ZNF469: variants seen among roughly 807,000 people sequenced by gnomAD.
ZNF469 encodes zinc finger protein 469.
Under a neutral mutation model 1.0 loss-of-function variants are expected in ZNF469, and 1 was observed. The observed-to-expected ratio is 1.00, with a 90% CI of 0.35 to 4.73. The LOEUF is 4.73. Among genes scored for constraint, ZNF469 ranks in the 30% most tolerant of loss-of-function variants. The pLI is 0.16. For missense variants in ZNF469, 6,100 were observed against 5,356.3 expected (o/e 1.14, Z -4.33); for synonymous variants, 2,703 against 2,363.4 (o/e 1.14, Z -4.17).
At chr16:88,190,308 C>T in the ZNF469 span, among the ~76,000 whole-genome samples, 1 of 152,198 alleles carries the variant, frequency 6.6e-6, no homozygotes, top group African/African-American at 2.4e-5. Context: ...AAGTGGAAAC[C>T]CTTGGCACTT....
At chr16:88,198,212 C>T in the ZNF469 span, among the ~76,000 whole-genome samples, 33 of 152,206 alleles carry the variant, frequency 2.2e-4, no homozygotes, top group African/African-American at 7.5e-4. Flanking sequence ...AAGGACGTAT[C>T]CCACATCACG....
rs1419283349 is a variant in ZNF469 at position 88,430,105 on chromosome 16, C to T, written c.2635C>T (p.Pro879Ser). ...CGAGGAGCCTTCCGGCCCCAGAGGT[C>T]CCAGCTCCGGACACCCCCTTAAGAG... Reference protein sequence around the residue: ...ADEEPSGPRGPSSGHPLKSKA... With the variant: ...ADEEPSGPRGSSSGHPLKSKA... Residue 879 changes from proline to serine, a missense_variant, in exon 3 of 3, where the codon CCC becomes TCC. Pro to Ser is a moderately conservative substitution (Grantham distance 74). Transcript: ENST00000565624. 2 of 1,542,304 alleles carry T rather than the reference C, an allele frequency of 1.3e-6. No individual in the cohort carries two copies. The highest frequency in any genetic ancestry group is 3.0e-5 in the African/African-American group (2 of 66,118).
the ZNF469 span, among the ~76,000 whole-genome samples, chr16:88,223,770 C>T: frequency 6.6e-6 from 1 of 152,254 alleles, no homozygotes; most frequent in African/African-American, 2.4e-5. Context: ...TGTCCTTCCA[C>T]AGCACTCATC....
rs973718405 is a variant in ZNF469 at position 88,433,727 on chromosome 16, G to C, written c.6257G>C (p.Arg2086Thr). The C allele has an allele frequency of 5.2e-6, 8 of 1,548,686 alleles. 1 individual carries two copies. In the South Asian group the frequency reaches 8.3e-5, roughly 16 times the overall value. The change falls in exon 3 of 3, where the codon AGG becomes ACG. Residue 2086 changes from arginine to threonine, a missense_variant. Coordinates refer to ENST00000565624, the MANE Select transcript of ZNF469 (RefSeq NM_001367624.2). Reference sequence around the variant, plus strand: ...GGATCTGAGGGCCGGACTCCAGAGAGGGCGTCCAGCCCCGGCCTGAACAAG... The same window carrying C: ...GGATCTGAGGGCCGGACTCCAGAGACGGCGTCCAGCCCCGGCCTGAACAAG... ...RSGSEGRTPE[R>T]ASSPGLNKPL...
At position 88,429,069 on chromosome 16, in the gene ZNF469, G is replaced by T. The variant is rs1487867759; in HGVS notation, c.1599G>T (p.Lys533Asn). Residue 533 changes from lysine (K) to asparagine (N), a missense_variant, in exon 3 of 3, where the codon AAG becomes AAT. Transcript: ENST00000565624. Reference sequence around the variant, plus strand: ...GCAAGACACCGGGACCCAGAGAGAAGCTGCCAGCCGTGAGAAGCAGCCAGG... The same window carrying T: ...GCAAGACACCGGGACCCAGAGAGAATCTGCCAGCCGTGAGAAGCAGCCAGG... ...TAGKTPGPREKLPAVRSSQGG... is the reference protein window; with the variant it reads ...TAGKTPGPRENLPAVRSSQGG... 1.3e-6 allele frequency: 2 copies of T among 1,549,870 alleles called. No homozygotes were observed. Among genetic ancestry groups the T allele is most frequent in the African/African-American group, 2.7e-5 (2 of 73,022 alleles).
rs1457202875 is a variant in ZNF469 at position 88,430,295 on chromosome 16, G to A, written c.2825G>A (p.Gly942Asp). The change falls in exon 3 of 3, where the codon GGC becomes GAC. Residue 942 changes from glycine (G) to aspartate (D), a missense_variant. Transcript: ENST00000565624. The stretch of plus-strand genomic sequence containing the variant: ...ACCGAGGCGGATGCGCCCAGCCAGG[G>A]CAGGCAGCAGAGGAGGGGGAAGCAG... Reference protein sequence around the residue: ...APTEADAPSQGRQQRRGKQLK... With the variant: ...APTEADAPSQDRQQRRGKQLK... The A allele has an allele frequency of 6.6e-7, 1 of 1,514,586 alleles. No individual in the cohort carries two copies. The highest frequency in any genetic ancestry group is 8.8e-7 in the Non-Finnish European group (1 of 1,134,020). 93.8% of individuals were successfully genotyped at this position (1,514,586 alleles called of 1,614,324 possible).
chr16:88,350,437 C>T, the ZNF469 span, among the ~76,000 whole-genome samples: 1 of 152,264 alleles, frequency 6.6e-6, no homozygotes, highest in African/African-American at 2.4e-5. Flanking sequence ...AGGGAAGCCC[C>T]ACCACCAGCT....
chr16:88,224,215 CACA>C, the ZNF469 span, among the ~76,000 whole-genome samples: 14 of 152,180 alleles, frequency 9.2e-5, no homozygotes, highest in Admixed American at 8.5e-4. Flanking sequence ...GACACGCGGC[CACA>C]CACAGAACCA....
rs532857190 is a variant in ZNF469 at position 88,437,797 on chromosome 16, G to A, written c.10327G>A (p.Gly3443Arg). ...CCGCCACATGAACAAGCACCTCAGG[G>A]GGGGGCGGCAGCCCTTCGCGTTCCG... Reference protein sequence around the residue: ...FDRHMNKHLRGGRQPFAFRGV... With the variant: ...FDRHMNKHLRRGRQPFAFRGV... The change falls in exon 3 of 3, where the codon GGG becomes AGG. Residue 3443 changes from glycine (G) to arginine (R), a missense_variant. By Grantham distance (125) the Gly-to-Arg change is moderately radical. Coordinates refer to ENST00000565624, the MANE Select transcript of ZNF469 (RefSeq NM_001367624.2). 2.1e-5 allele frequency: 33 copies of A among 1,546,288 alleles called. No homozygotes were observed. The Middle Eastern group carries it at 1.8e-3, about 86-fold the overall frequency.
chr16:88,301,762 T>A, the ZNF469 span, among the ~76,000 whole-genome samples: 1 of 152,156 alleles, frequency 6.6e-6, no homozygotes, highest in Non-Finnish European at 1.5e-5. Flanking sequence ...TCTGTGTACA[T>A]CCTTTTTGTG....
At chr16:88,226,522 C>G in the ZNF469 span, among the ~76,000 whole-genome samples, 1 of 152,124 alleles carries the variant, frequency 6.6e-6, no homozygotes, top group Non-Finnish European at 1.5e-5. Flanking sequence ...GGGCTGTGAC[C>G]TCCGGAGTTG....
chr16:88,377,764 T>A, the ZNF469 span, among the ~76,000 whole-genome samples: 12,875 of 152,000 alleles, frequency 0.085, 739 homozygotes, highest in Admixed American at 0.16. Flanking sequence ...CCCACACAGG[T>A]CCTCAGGGCG....
chr16:88,151,294 G>A, the ZNF469 span, among the ~76,000 whole-genome samples: 2,305 of 152,358 alleles, frequency 0.015, 65 homozygotes, highest in African/African-American at 0.053. The surrounding 1 kb of genome is among the most constrained non-coding windows in gnomAD (Gnocchi z 5.4). Flanking sequence ...GGCGCGGGCC[G>A]TGGTCAGCCA....
At chr16:88,296,456 TC>T in the ZNF469 span, among the ~76,000 whole-genome samples, 39,590 of 136,888 alleles carry the variant, frequency 0.29, 5,527 homozygotes, top group Non-Finnish European at 0.32. Flanking sequence ...ATGCTCACCC[TC>T]CCCCCCACAC....
At chr16:88,231,669 G>A in the ZNF469 span, among the ~76,000 whole-genome samples, 2 of 152,006 alleles carry the variant, frequency 1.3e-5, no homozygotes, top group Admixed American at 6.6e-5. The surrounding 1 kb of genome is among the most constrained non-coding windows in gnomAD (Gnocchi z 4.5). Flanking sequence ...ATTTCTCTCT[G>A]ACTCTGTGTT....
At chr16:88,256,908 T>TCTCTCTCTCTCTCTC in the ZNF469 span, among the ~76,000 whole-genome samples, 1 of 25,690 alleles carries the variant, frequency 3.9e-5, no homozygotes, top group African/African-American at 1.6e-4. Context: ...CTTTCTTTCT[T>TCTCTCTCTCTCTCTC]TCTTTCTTTC....
In ZNF469 at chr16:88,428,066, C is replaced by G. The variant is rs1304985595; in HGVS notation, c.596C>G (p.Pro199Arg). ...TTTACCTCCACCAACTATACCTCAC[C>G]AAGCGCCACCCCCAGGCCCCCAGCC... is the stretch of plus-strand genomic sequence containing the variant. The part of the protein sequence containing the change: ...SSFTSTNYTS[P>R]SATPRPPAPG... Residue 199 changes from proline to arginine, a missense_variant, in exon 3 of 3, where the codon CCA becomes CGA. By Grantham distance (103) the Pro-to-Arg change is moderately radical. Coordinates refer to ENST00000565624, the MANE Select transcript of ZNF469 (RefSeq NM_001367624.2). 2 of 1,549,954 alleles carry G rather than the reference C, an allele frequency of 1.3e-6. No homozygotes were observed. Among genetic ancestry groups the G allele is most frequent in the East Asian group, 2.4e-5 (1 of 40,880 alleles).
chr16:88,165,649 T>C, the ZNF469 span, among the ~76,000 whole-genome samples: 1 of 152,224 alleles, frequency 6.6e-6, no homozygotes, highest in Non-Finnish European at 1.5e-5. Flanking sequence ...CGTACTATCT[T>C]AACCACTTTT....
Position 88,383,026 on chromosome 16 carries a change from G to T in ZNF469, c.-420G>T, listed in dbSNP as rs1432275654. 6.6e-6 allele frequency among the ~76,000 whole-genome samples: 1 copy of T among 151,870 alleles called. No homozygotes were observed. The highest frequency in any genetic ancestry group is 1.5e-5 in the Non-Finnish European group (1 of 67,934). Reference sequence around the variant, plus strand: ...CGGCCCAGGGCTGGAGCTGGCTGCAGGGCTGGCCCGCGGCGACCTGGGCAG... The same window carrying T: ...CGGCCCAGGGCTGGAGCTGGCTGCATGGCTGGCCCGCGGCGACCTGGGCAG... On this transcript the variant is annotated 5_prime_UTR_variant, in exon 1 of 3. The change creates a new upstream start codon in the 5' untranslated region. Coordinates refer to ENST00000565624, the MANE Select transcript of ZNF469 (RefSeq NM_001367624.2).
Sources: gnomAD v4.1 joint callset for allele counts (sites outside exome capture counted in the v4.1 genomes callset) on GRCh38, gnomAD v4.1.1 for gene constraint, Gnocchi (gnomAD v3.1) non-coding constraint, MANE v1.5 for transcripts, NCBI Gene and HGNC (gene_info 2026-07-23, HGNC 2026-07-21) for gene names.